FRMD5: variants seen among roughly 807,000 people sequenced by gnomAD.
FRMD5 encodes FERM domain containing 5.
FRMD5 carries 20 observed loss-of-function variants against 69.0 expected under a neutral mutation model. The ratio of observed to expected loss-of-function variants is 0.29; its 90% CI spans 0.20 to 0.42. The LOEUF (loss-of-function observed/expected upper bound fraction) is 0.42. Ranked by LOEUF, FRMD5 falls within the 10% of genes least tolerant of loss-of-function variation. The pLI, the probability that FRMD5 is intolerant of heterozygous loss-of-function variation, is 1.00. For synonymous variants in FRMD5, 271 were observed against 260.1 expected (o/e 1.04, Z -0.40); for missense variants, 595 against 708.6 (o/e 0.84, Z 1.82).
intron 1 of FRMD5, among the ~76,000 whole-genome samples, chr15:44,189,887 G>A (rs1025588582): frequency 2.0e-4 from 30 of 152,150 alleles, no homozygotes; most frequent in Admixed American, 1.2e-3. Context: ...ATGAATTGGC[G>A]ATTTGCTGTC....
intron 1 of FRMD5, among the ~76,000 whole-genome samples, chr15:44,119,899 A>C (rs1037364684): frequency 2.0e-5 from 3 of 152,206 alleles, no homozygotes; most frequent in African/African-American, 7.2e-5. Context: ...GAGTGGTAAA[A>C]AAATACTTAC....
upstream of FRMD5, among the ~76,000 whole-genome samples, chr15:44,198,424 T>C (rs1185494311): frequency 6.6e-6 from 1 of 151,834 alleles, no homozygotes. Flanking sequence ...TTAGGTGTAA[T>C]ATCCAGAGAG....
chr15:43,891,529 A>G (rs936736615), intron 8 of FRMD5, among the ~76,000 whole-genome samples: 2 of 152,194 alleles, frequency 1.3e-5, no homozygotes, highest in African/African-American at 4.8e-5. Flanking sequence ...CAAAGGACTT[A>G]TATCTGCCCC....
intron 1 of FRMD5, among the ~76,000 whole-genome samples, chr15:44,185,199 A>G (rs1251338535): frequency 6.6e-6 from 1 of 152,186 alleles, no homozygotes. Flanking sequence ...TTTAAAACCT[A>G]TTTCACATGT....
intron 1 of FRMD5, among the ~76,000 whole-genome samples, chr15:44,129,646 A>C (rs2077071319): frequency 6.6e-6 from 1 of 152,204 alleles, no homozygotes; most frequent in Non-Finnish European, 1.5e-5. Context: ...AAGACAGCTT[A>C]AAGTCATTTC....
rs561543136 is a variant in FRMD5, at chr15:43,905,697, G to A, written c.551+131C>T. 132 of 1,130,054 alleles carry A rather than the reference G, an allele frequency of 1.2e-4. 1 individual carries two copies. The highest frequency in any genetic ancestry group is 1.9e-4 in the East Asian group (8 of 42,194). The allele number at this position is 1,130,054 out of a possible 1,614,324, so 70.0% of individuals were successfully genotyped here. A position where few individuals can be genotyped will look rare whatever the true frequency, so the allele number is the denominator to read the frequency against. On this transcript the variant is annotated intron_variant, in intron 6 of 13. Transcript: ENST00000417257. The stretch of plus-strand genomic sequence containing the variant: ...GTATCACTGACAATGGTACATCCGC[G>A]GTCAGGAAGGCTGGGGAGCATCACT...
intron 13 of FRMD5, among the ~76,000 whole-genome samples, chr15:43,875,362 AAATATAT>A (rs1312683994): frequency 1.2e-4 from 13 of 106,512 alleles, no homozygotes; most frequent in African/African-American, 1.4e-4. Flanking sequence ...AAAAAAAAAA[AAATATAT>A]ATATATATAT....
intron 1 of FRMD5, among the ~76,000 whole-genome samples, chr15:43,983,302 C>A (rs150027832): frequency 3.3e-5 from 5 of 152,186 alleles, no homozygotes; most frequent in African/African-American, 1.2e-4. Context: ...TATACATAAG[C>A]AAACTAGGTG....
intron 1 of FRMD5, among the ~76,000 whole-genome samples, chr15:44,086,357 T>C (rs570970974): frequency 1.3e-5 from 2 of 152,324 alleles, no homozygotes; most frequent in East Asian, 3.9e-4. Context: ...GGTATATTCA[T>C]GCAATGAAAT....
At chr15:44,148,472 C>T (rs184215812) in intron 1 of FRMD5, among the ~76,000 whole-genome samples, 10 of 152,230 alleles carry the variant, frequency 6.6e-5, no homozygotes, top group Admixed American at 4.6e-4. Context: ...GGGGTTTCAC[C>T]GTGTTAGCCA....
At chr15:44,175,970 C>T (rs80219001) in intron 1 of FRMD5, among the ~76,000 whole-genome samples, 5,346 of 152,184 alleles carry the variant, frequency 0.035, 143 homozygotes, top group Middle Eastern at 0.058. Context: ...CTGAATTGAT[C>T]AACAGATTCA....
chr15:44,100,020 T>G (rs1408181742), intron 1 of FRMD5, among the ~76,000 whole-genome samples: 1 of 151,752 alleles, frequency 6.6e-6, no homozygotes. Context: ...CCAGTCATCC[T>G]GACTGTATCT....
chr15:44,032,414 C>T (rs886950936), intron 1 of FRMD5, among the ~76,000 whole-genome samples: 1 of 152,136 alleles, frequency 6.6e-6, no homozygotes, highest in African/African-American at 2.4e-5. Flanking sequence ...ACAGAGTAAA[C>T]AGACAACCTA....
intron 1 of FRMD5, among the ~76,000 whole-genome samples, chr15:44,064,780 T>C (rs186695457): frequency 4.6e-5 from 7 of 152,318 alleles, no homozygotes; most frequent in African/African-American, 1.7e-4. Flanking sequence ...CAAGTCCCTT[T>C]TAAGTCCCAG....
intron 4 of FRMD5, among the ~76,000 whole-genome samples, chr15:43,915,381 G>A (rs2089367733): frequency 6.6e-6 from 1 of 152,184 alleles, no homozygotes; most frequent in Non-Finnish European, 1.5e-5. Context: ...CCTAAGCTAG[G>A]CTCAAGCGAT....
At chr15:44,027,662 T>TG (rs1429299516) in intron 1 of FRMD5, among the ~76,000 whole-genome samples, 1 of 131,136 alleles carries the variant, frequency 7.6e-6, no homozygotes, top group African/African-American at 2.6e-5. Flanking sequence ...TTTTTTTTTT[T>TG]TTTTCCGAGA....
chr15:44,118,394 A>C (rs1194429806), intron 1 of FRMD5, among the ~76,000 whole-genome samples: 2 of 152,150 alleles, frequency 1.3e-5, no homozygotes, highest in African/African-American at 4.8e-5. Context: ...GGCTCTAAAA[A>C]TCCAGAACAT....
intron 1 of FRMD5, among the ~76,000 whole-genome samples, chr15:44,062,928 T>A (rs544793394): frequency 6.6e-6 from 1 of 152,330 alleles, no homozygotes; most frequent in Non-Finnish European, 1.5e-5. Context: ...ACTGTATATA[T>A]GTGGGTCCAT....
intron 13 of FRMD5, among the ~76,000 whole-genome samples, chr15:43,881,624 G>C (rs987831934): frequency 1.3e-5 from 2 of 152,196 alleles, no homozygotes; most frequent in African/African-American, 4.8e-5. Context: ...CACTGTGCTT[G>C]CTGCCGGCCT....
Sources: allele counts gnomAD v4.1 joint callset (sites outside exome capture counted in the v4.1 genomes callset), GRCh38; gene constraint gnomAD v4.1.1; transcripts MANE v1.5; gene names NCBI Gene and HGNC (gene_info 2026-07-23, HGNC 2026-07-21).